The following RAP1GDS1 variants were observed in gnomAD, a reference collection of about 807,000 sequenced individuals.
RAP1GDS1 encodes the protein Rap1 GTPase-GDP dissociation stimulator 1.
Under a neutral mutation model 71.1 loss-of-function variants are expected in RAP1GDS1, and 35 were observed. The ratio of observed to expected loss-of-function variants is 0.49; its 90% CI spans 0.38 to 0.65. RAP1GDS1 has a LOEUF of 0.65. Among genes scored for constraint, RAP1GDS1 ranks in the 30% least tolerant of loss-of-function variants. RAP1GDS1 has a pLI of 0.00. For missense variants in RAP1GDS1, 663 were observed against 706.1 expected (o/e 0.94, Z 0.69); for synonymous variants, 229 against 243.1 (o/e 0.94, Z 0.54).
At chr4:98,265,831 G>A (rs1037108683) in intron 1 of RAP1GDS1, among the ~76,000 whole-genome samples, 5 of 152,036 alleles carry the variant, frequency 3.3e-5, no homozygotes, top group African/African-American at 9.7e-5. Flanking sequence ...CAGTCAGGAG[G>A]GTGATAGGGA....
chr4:98,402,217 G>A (rs1239654203), intron 6 of RAP1GDS1, among the ~76,000 whole-genome samples: 1 of 152,096 alleles, frequency 6.6e-6, no homozygotes, highest in Non-Finnish European at 1.5e-5. Context: ...GACTATAGGT[G>A]TATGCCATCA....
intron 11 of RAP1GDS1, 72 bp from the exon 12 acceptor site, chr4:98,421,183 C>T: frequency 2.1e-6 from 3 of 1,415,660 alleles, no homozygotes; most frequent in Admixed American, 2.1e-5. Context: ...TTCACACTCT[C>T]AAATCTGTAC....
chr4:98,279,905 A>G (rs1219857248), intron 1 of RAP1GDS1, among the ~76,000 whole-genome samples: 4 of 152,204 alleles, frequency 2.6e-5, no homozygotes, highest in East Asian at 1.9e-4. Context: ...GATGGTTTCC[A>G]GCTTCATCCA....
At chr4:98,367,559 T>C (rs1026349358) in intron 4 of RAP1GDS1, among the ~76,000 whole-genome samples, 1 of 152,070 alleles carries the variant, frequency 6.6e-6, no homozygotes, top group African/African-American at 2.4e-5. Flanking sequence ...CTGCAGACAC[T>C]CAACACCAGC....
intron 4 of RAP1GDS1, among the ~76,000 whole-genome samples, chr4:98,368,881 C>G (rs1381481743): frequency 1.3e-5 from 2 of 152,148 alleles, no homozygotes; most frequent in African/African-American, 2.4e-5. Flanking sequence ...GGAATACATT[C>G]ATTCTTTTAA....
rs2110235675 is a variant in RAP1GDS1 at position 98,442,189 on chromosome 4, T to C, written c.*72T>C. ...TCCTCCATCCAGCGGCTTCTTCCGC[T>C]TCATTCTCTACCATACCACTTGTGC... is the stretch of plus-strand genomic sequence containing the variant. On this transcript the variant is annotated 3_prime_UTR_variant, in exon 15 of 15. Coordinates refer to ENST00000408927, the MANE Select transcript of RAP1GDS1 (RefSeq NM_001100427.2). 3.8e-6 allele frequency: 6 copies of C among 1,573,384 alleles called. No individual in the cohort carries two copies. The highest frequency in any genetic ancestry group is 2.2e-5 in the East Asian group (1 of 44,454).
chr4:98,346,007 C>T (rs1736188750), intron 3 of RAP1GDS1, among the ~76,000 whole-genome samples: 1 of 152,156 alleles, frequency 6.6e-6, no homozygotes, highest in South Asian at 2.1e-4. Context: ...GTAGCAGCAA[C>T]AGACTCACCC....
intron 7 of RAP1GDS1, among the ~76,000 whole-genome samples, chr4:98,405,395 C>T (rs752309788): frequency 8.6e-5 from 13 of 151,816 alleles, no homozygotes; most frequent in African/African-American, 1.7e-4. Context: ...AACTGGAAAA[C>T]GGGTTGGAAA....
intron 4 of RAP1GDS1, 56 bp from the exon 5 acceptor site, chr4:98,378,961 A>C: frequency 1.4e-6 from 2 of 1,422,992 alleles, no homozygotes; most frequent in Non-Finnish European, 1.9e-6. Context: ...TGTATTTGAA[A>C]TTGTAAGGTA....
At position 98,335,529 on chromosome 4, in the gene RAP1GDS1, G is replaced by C. The variant is rs1734591981; in HGVS notation, c.113-7610G>C. On this transcript the variant is annotated intron_variant, in intron 2 of 14. Transcript: ENST00000408927. ...ATTTGGACAACTTTCAAATTGTATAGAATGTGGAAAATATGAAAAAGTTTT... is the reference window on the plus strand; with the variant it reads ...ATTTGGACAACTTTCAAATTGTATACAATGTGGAAAATATGAAAAAGTTTT... 2.0e-5 allele frequency among the ~76,000 whole-genome samples: 3 copies of C among 151,670 alleles called. 1 individual carries two copies. In the South Asian group the frequency reaches 6.2e-4, roughly 31 times the overall value.
chr4:98,380,444 G>A (rs2110107207), intron 5 of RAP1GDS1, among the ~76,000 whole-genome samples: 1 of 151,846 alleles, frequency 6.6e-6, no homozygotes, highest in South Asian at 2.1e-4. Flanking sequence ...TTTGAATTAA[G>A]ATAATAGAGT....
intron 2 of RAP1GDS1, among the ~76,000 whole-genome samples, chr4:98,316,536 T>C (rs1437431570): frequency 1.3e-5 from 2 of 151,950 alleles, no homozygotes; most frequent in Non-Finnish European, 2.9e-5. Flanking sequence ...TGGCAGGAGT[T>C]GAAGGGGAGA....
At position 98,261,508 on chromosome 4, in the gene RAP1GDS1, C is replaced by T. The variant is rs1298534209; in HGVS notation, c.-58C>T. 2.8e-5 allele frequency: 44 copies of T among 1,567,690 alleles called. No homozygotes were observed. The highest frequency in any genetic ancestry group is 3.6e-5 in the Non-Finnish European group (41 of 1,151,666). ...GGTAGAGGGAGGACACAGAGCCGCG[C>T]CGCCCGCACCACAGACCTTCGCCTC... On this transcript the variant is annotated 5_prime_UTR_variant, in exon 1 of 15. Transcript: ENST00000408927.
At chr4:98,353,097 A>G (rs1030619504) in intron 4 of RAP1GDS1, among the ~76,000 whole-genome samples, 2 of 152,170 alleles carry the variant, frequency 1.3e-5, no homozygotes, top group Non-Finnish European at 1.5e-5. Flanking sequence ...TCATTATATC[A>G]TTGTCATCCT....
intron 1 of RAP1GDS1, among the ~76,000 whole-genome samples, chr4:98,271,139 C>T (rs1463891923): frequency 6.6e-6 from 1 of 152,032 alleles, no homozygotes; most frequent in African/African-American, 2.4e-5. Context: ...CTAGTGCCTG[C>T]ATTGTTCAAG....
chr4:98,390,903 A>ATTTG (rs1329244962), intron 5 of RAP1GDS1, among the ~76,000 whole-genome samples: 1 of 152,118 alleles, frequency 6.6e-6, no homozygotes, highest in Non-Finnish European at 1.5e-5. Flanking sequence ...AGAGAAAAAA[A>ATTTG]TTTGTTTAGT....
intron 10 of RAP1GDS1, among the ~76,000 whole-genome samples, chr4:98,419,107 G>A (rs1342697919): frequency 1.3e-5 from 2 of 152,190 alleles, no homozygotes; most frequent in Non-Finnish European, 2.9e-5. Context: ...CCAGGCTAGA[G>A]TGCAGTGACG....
chr4:98,319,812 C>T (rs78469736), intron 2 of RAP1GDS1, among the ~76,000 whole-genome samples: 4 of 148,970 alleles, frequency 2.7e-5, no homozygotes, highest in Admixed American at 6.7e-5. Flanking sequence ...GAGAAATTGG[C>T]GTTTGAACTA....
intron 3 of RAP1GDS1, among the ~76,000 whole-genome samples, chr4:98,350,422 C>T (rs1736992906): frequency 6.6e-6 from 1 of 152,114 alleles, no homozygotes; most frequent in African/African-American, 2.4e-5. Context: ...GATTTGAAAT[C>T]TAGTCCAGGC....
Sources: gnomAD v4.1 joint callset for allele counts (sites outside exome capture counted in the v4.1 genomes callset) on GRCh38, gnomAD v4.1.1 for gene constraint, MANE v1.5 for transcripts, NCBI Gene and HGNC (gene_info 2026-07-23, HGNC 2026-07-21) for gene names.